Variants in ABAT observed in about 807,000 individuals in gnomAD.
ABAT encodes the protein 4-aminobutyrate aminotransferase, also known as 4-aminobutyrate aminotransferase, mitochondrial.
ABAT carries 45 observed loss-of-function variants against 64.6 expected under a neutral mutation model. That is an observed-to-expected ratio of 0.70 (90% CI 0.55 to 0.89). The LOEUF (loss-of-function observed/expected upper bound fraction) is 0.89, where lower values mean the gene tolerates loss of function less well. Among genes scored for constraint, ABAT ranks in the 40% least tolerant of loss-of-function variants. The pLI, the probability that ABAT is intolerant of heterozygous loss-of-function variation, is 0.00. For missense variants in ABAT, 633 were observed against 658.4 expected, an observed-to-expected ratio of 0.96 and a Z score of 0.42; for synonymous variants, 297 against 250.5, an observed-to-expected ratio of 1.19 and a Z score of -1.75.
At chr16:8,732,122 G>A (rs2058738314) in intron 1 of ABAT, among the ~76,000 whole-genome samples, 1 of 151,576 alleles carries the variant, frequency 6.6e-6, no homozygotes, top group Non-Finnish European at 1.5e-5. Context: ...CAAAGTGCTG[G>A]GATTAGAGGC....
chr16:8,689,712 A>G (rs2141967264), intron 1 of ABAT, among the ~76,000 whole-genome samples: 1 of 152,332 alleles, frequency 6.6e-6, no homozygotes, highest in South Asian at 2.1e-4. Flanking sequence ...AAAGTGAGTC[A>G]TGAACTGATA....
chr16:8,693,529 C>T (rs939916476), intron 1 of ABAT, among the ~76,000 whole-genome samples: 1 of 152,116 alleles, frequency 6.6e-6, no homozygotes, highest in Middle Eastern at 3.4e-3. Context: ...AGTGCAGTGG[C>T]ACGATCTCAG....
At chr16:8,679,380 C>T (rs1458111705) in intron 1 of ABAT, among the ~76,000 whole-genome samples, 1 of 152,092 alleles carries the variant, frequency 6.6e-6, no homozygotes, top group Non-Finnish European at 1.5e-5. Flanking sequence ...CTTCTCTGAG[C>T]ACCTAGAGGG....
At position 8,748,108 on chromosome 16, in the gene ABAT, G is replaced by C; in HGVS notation, c.169G>C (p.Glu57Gln). ...ATGCTTTTGTTGTTCTTGCCTGCAG[G>C]AGTTAATGAAACAGCTGAATATAAT... Reference protein sequence around the residue: ...KTEVPGPRSQELMKQLNIIQN... With the variant: ...KTEVPGPRSQQLMKQLNIIQN... Residue 57 changes from glutamate to glutamine, a missense_variant and splice_region_variant, in exon 4 of 16, where the codon GAG (glutamate) becomes CAG (glutamine). By Grantham distance (29) the Glu-to-Gln change is conservative. Coordinates refer to ENST00000268251, the MANE Select transcript of ABAT (RefSeq NM_020686.6). The C allele has an allele frequency of 6.2e-7, 1 of 1,613,550 alleles. No individual in the cohort carries two copies. Among genetic ancestry groups the C allele is most frequent in the Non-Finnish European group, 8.5e-7 (1 of 1,179,610 alleles).
chr16:8,719,874 C>T (rs140350398), intron 1 of ABAT, among the ~76,000 whole-genome samples: 14 of 152,302 alleles, frequency 9.2e-5, no homozygotes, highest in African/African-American at 2.2e-4. Context: ...AGCAGTGGCA[C>T]GACCTCTACT....
At chr16:8,675,092 C>T (rs190100095) in intron 1 of ABAT, among the ~76,000 whole-genome samples, 1 of 152,120 alleles carries the variant, frequency 6.6e-6, no homozygotes, top group Non-Finnish European at 1.5e-5. Flanking sequence ...TCCTTCTCCC[C>T]TCTCTTTCGG....
intron 1 of ABAT, among the ~76,000 whole-genome samples, chr16:8,697,019 C>T (rs577644851): frequency 7.2e-5 from 11 of 152,280 alleles, no homozygotes; most frequent in Non-Finnish European, 1.3e-4. Flanking sequence ...GAGGAGCTTG[C>T]GTGCTGGCGG....
At chr16:8,724,338 G>A (rs565033845) in intron 1 of ABAT, among the ~76,000 whole-genome samples, 21 of 152,156 alleles carry the variant, frequency 1.4e-4, no homozygotes, top group Non-Finnish European at 2.5e-4. Flanking sequence ...AAAAGAGGCC[G>A]TAAAATCTTT....
intron 5 of ABAT, among the ~76,000 whole-genome samples, chr16:8,754,875 C>G (rs1028241037): frequency 6.6e-6 from 1 of 151,880 alleles, no homozygotes; most frequent in African/African-American, 2.4e-5. Flanking sequence ...CCTGCCACCA[C>G]GCTGGGCTAA....
At chr16:8,766,084 C>T (rs1392527157) in intron 8 of ABAT, 124 bp from the exon 9 acceptor site, 3 of 862,922 alleles carry the variant, frequency 3.5e-6, no homozygotes, top group Non-Finnish European at 1.9e-6. Flanking sequence ...ACAATTAATA[C>T]ATGAGATCCA....
intron 8 of ABAT, among the ~76,000 whole-genome samples, chr16:8,765,493 G>A (rs779642175): frequency 1.1e-4 from 16 of 151,828 alleles, no homozygotes; most frequent in South Asian, 4.2e-4. Flanking sequence ...GTGAAACCCC[G>A]TCTCTATAAA....
At chr16:8,695,730 G>A (rs768406883) in intron 1 of ABAT, among the ~76,000 whole-genome samples, 9 of 152,130 alleles carry the variant, frequency 5.9e-5, no homozygotes, top group Non-Finnish European at 1.3e-4. Flanking sequence ...CCTTGCATTG[G>A]AGTGATGTTA....
At chr16:8,742,221 C>T (rs1249805995) in intron 2 of ABAT, among the ~76,000 whole-genome samples, 1 of 152,222 alleles carries the variant, frequency 6.6e-6, no homozygotes, top group Non-Finnish European at 1.5e-5. Flanking sequence ...CGCAGTTCCA[C>T]TTGATCCCAC....
At chr16:8,697,651 T>TC (rs1207370842) in intron 1 of ABAT, among the ~76,000 whole-genome samples, 1 of 151,762 alleles carries the variant, frequency 6.6e-6, no homozygotes, top group Non-Finnish European at 1.5e-5. Flanking sequence ...GGTTTTTTTT[T>TC]TGGAGATGGG....
chr16:8,689,933 G>C (rs1289990130), intron 1 of ABAT, among the ~76,000 whole-genome samples: 1 of 152,104 alleles, frequency 6.6e-6, no homozygotes, highest in Non-Finnish European at 1.5e-5. Context: ...TTCAACAGCT[G>C]GTTTTTATAC....
At chr16:8,729,930 T>C (rs1015547950) in intron 1 of ABAT, among the ~76,000 whole-genome samples, 2 of 151,244 alleles carry the variant, frequency 1.3e-5, no homozygotes, top group African/African-American at 4.9e-5. Flanking sequence ...CCATGGCCAG[T>C]AGGGCCAGGT....
At chr16:8,733,002 C>T (rs1328262659) in intron 1 of ABAT, among the ~76,000 whole-genome samples, 9 of 146,348 alleles carry the variant, frequency 6.1e-5, no homozygotes, top group African/African-American at 7.9e-5. Context: ...CCCTCCCGGA[C>T]GGGGCGGCTG....
At chr16:8,699,184 A>G in intron 1 of ABAT, among the ~76,000 whole-genome samples, 1 of 152,156 alleles carries the variant, frequency 6.6e-6, no homozygotes, top group Non-Finnish European at 1.5e-5. Flanking sequence ...GAAGAGATAG[A>G]TGCCACCTCC....
intron 2 of ABAT, among the ~76,000 whole-genome samples, chr16:8,738,778 G>C (rs113226758): frequency 0.027 from 4,031 of 151,840 alleles, 181 homozygotes; most frequent in African/African-American, 0.091. Context: ...CCAAGTAGCT[G>C]GGATTACAGG....
Sources: gnomAD v4.1 joint callset for allele counts (sites outside exome capture counted in the v4.1 genomes callset) on GRCh38, gnomAD v4.1.1 for gene constraint, MANE v1.5 for transcripts, NCBI Gene and HGNC (gene_info 2026-07-23, HGNC 2026-07-21) for gene names.